The following CTNNA1 variants were observed in gnomAD, a reference collection of about 807,000 sequenced individuals.
The protein encoded by CTNNA1 is catenin alpha 1, also known as catenin alpha-1.
CTNNA1 carries 37 observed loss-of-function variants against 98.4 expected under a neutral mutation model. That is an observed-to-expected ratio of 0.38 (90% CI 0.29 to 0.49). The LOEUF is 0.49. CTNNA1 is among the 20% of genes least tolerant of loss of function. The pLI, the probability that CTNNA1 is intolerant of heterozygous loss-of-function variation, is 0.95. For missense variants in CTNNA1, 761 were observed against 1,147.2 expected (o/e 0.66, Z 4.86); for synonymous variants, 404 against 413.2 (o/e 0.98, Z 0.27).
intron 7 of CTNNA1, among the ~76,000 whole-genome samples, chr5:138,867,364 T>C (rs1320606956): frequency 6.6e-6 from 1 of 152,180 alleles, no homozygotes. Context: ...GGAGAAACAA[T>C]AAGTGCATCT....
At chr5:138,776,197 C>G (rs186212772) in intron 1 of CTNNA1, among the ~76,000 whole-genome samples, 6 of 151,450 alleles carry the variant, frequency 4.0e-5, no homozygotes, top group Admixed American at 2.6e-4. Context: ...TGCGGCCTTC[C>G]GCAGTGTTTG....
At chr5:138,856,983 G>C (rs1207561173) in intron 7 of CTNNA1, among the ~76,000 whole-genome samples, 11 of 152,170 alleles carry the variant, frequency 7.2e-5, no homozygotes, top group Admixed American at 7.2e-4. Context: ...ACATTCTGGT[G>C]AATGAATGAT....
intron 5 of CTNNA1, 128 bp from the exon 6 acceptor site, chr5:138,824,402 G>T (rs1760422254): frequency 1.9e-6 from 2 of 1,038,108 alleles, no homozygotes; most frequent in Admixed American, 5.5e-5. Context: ...CTCTCAACTA[G>T]ATTGTTAATG....
Position 138,827,653 on chromosome 5 carries a change from A to G in CTNNA1, c.997A>G (p.Ile333Val). Reference protein sequence around the residue: ...SCTRDDRRERIVAECNAVRQA... With the variant: ...SCTRDDRRERVVAECNAVRQA... ...CACGCGTGATGACCGTCGTGAGCGAATTGTGGCAGAGTGTAATGCTGTCCG... is the reference window on the plus strand; with the variant it reads ...CACGCGTGATGACCGTCGTGAGCGAGTTGTGGCAGAGTGTAATGCTGTCCG... Residue 333 changes from isoleucine to valine, a missense_variant, in exon 7 of 18, where the codon ATT becomes GTT. Ile to Val is a conservative substitution (Grantham distance 29). Transcript: ENST00000302763. The G allele has an allele frequency of 6.2e-7, 1 of 1,614,204 alleles. No individual in the cohort carries two copies. The highest frequency in any genetic ancestry group is 8.5e-7 in the Non-Finnish European group (1 of 1,180,046).
At chr5:138,896,773 A>G (rs1020225593) in intron 9 of CTNNA1, among the ~76,000 whole-genome samples, 2 of 152,140 alleles carry the variant, frequency 1.3e-5, no homozygotes, top group Non-Finnish European at 2.9e-5. Context: ...TTTCTCCCCT[A>G]TCAAGTTCAT....
chr5:138,874,650 A>C lies in CTNNA1; in HGVS notation c.1063-11562A>C. The C allele has an allele frequency of 1.2e-6, 1 of 832,842 alleles. No homozygotes were observed. Among genetic ancestry groups the C allele is most frequent in the Non-Finnish European group, 1.8e-6 (1 of 546,316 alleles). 51.6% of individuals were successfully genotyped at this position (832,842 alleles called of 1,614,324 possible). The stretch of plus-strand genomic sequence containing the variant: ...AAAAAACAACCACCACCAACATTAT[A>C]GCAAAAGATTTCACTGCATATAACT... On this transcript the variant is annotated intron_variant, in intron 7 of 17. Coordinates refer to ENST00000302763, the MANE Select transcript of CTNNA1 (RefSeq NM_001903.5). This position sits in a 1 kb window ranked among gnomAD's most constrained non-coding sequence, Gnocchi z 4.1.
At chr5:138,775,545 A>G (rs1172771734) in intron 1 of CTNNA1, among the ~76,000 whole-genome samples, 1 of 152,126 alleles carries the variant, frequency 6.6e-6, no homozygotes, top group Non-Finnish European at 1.5e-5. Context: ...TAATGACAGT[A>G]TAATGATGAA....
At chr5:138,837,183 C>G (rs1032317170) in intron 7 of CTNNA1, among the ~76,000 whole-genome samples, 1 of 152,110 alleles carries the variant, frequency 6.6e-6, no homozygotes, top group Non-Finnish European at 1.5e-5. Flanking sequence ...AAGTGAGACT[C>G]AATTATCTCT....
intron 7 of CTNNA1, among the ~76,000 whole-genome samples, chr5:138,886,007 C>T (rs1447217345): frequency 6.6e-6 from 1 of 152,168 alleles, no homozygotes; most frequent in African/African-American, 2.4e-5. Flanking sequence ...TTCCAGTCAT[C>T]AGATAATGTG....
intron 10 of CTNNA1, among the ~76,000 whole-genome samples, chr5:138,911,836 TAG>T (rs1760698210): frequency 6.6e-6 from 1 of 152,170 alleles, no homozygotes; most frequent in Non-Finnish European, 1.5e-5. Context: ...GAGCACTGGT[TAG>T]AGTCTGGATA....
At chr5:138,858,371 C>T (rs1763920705) in intron 7 of CTNNA1, among the ~76,000 whole-genome samples, 2 of 152,026 alleles carry the variant, frequency 1.3e-5, no homozygotes, top group South Asian at 4.2e-4. Flanking sequence ...GAGTGATCCT[C>T]CCACCTTGGC....
In CTNNA1 at chr5:138,873,761, G is replaced by A; in HGVS notation, c.1063-12451G>A. 3 of 1,613,996 alleles carry A rather than the reference G, an allele frequency of 1.9e-6. No individual in the cohort carries two copies. The highest frequency in any genetic ancestry group is 2.2e-5 in the East Asian group (1 of 44,884). ...CGTTTCAAACACTGTCAAGTCGATG[G>A]CTTTGATTTCATTTCCAGTCAGGTC... On this transcript the variant is annotated intron_variant, in intron 7 of 17. Coordinates refer to ENST00000302763, the MANE Select transcript of CTNNA1 (RefSeq NM_001903.5). This position sits in a 1 kb window ranked among gnomAD's most constrained non-coding sequence, Gnocchi z 6.1.
chr5:138,801,240 C>G (rs1757543863), intron 3 of CTNNA1, among the ~76,000 whole-genome samples: 1 of 152,160 alleles, frequency 6.6e-6, no homozygotes. Context: ...TTATATTTCC[C>G]TTGACTGCGA....
At chr5:138,785,166 A>C in intron 3 of CTNNA1, among the ~76,000 whole-genome samples, 1 of 146,536 alleles carries the variant, frequency 6.8e-6, no homozygotes, top group African/African-American at 2.5e-5. Context: ...GGTTCACGCC[A>C]TTCTCCTGCC....
chr5:138,872,013 AGAGAGAGC>A (rs1014222588), intron 7 of CTNNA1: 2 of 146,184 alleles, frequency 1.4e-5, no homozygotes, highest in Non-Finnish European at 3.0e-5. Flanking sequence ...GATAGTTGAG[AGAGAGAGC>A]GCGAGAGTGT....
At chr5:138,908,111 A>G (rs1759693435) in intron 10 of CTNNA1, among the ~76,000 whole-genome samples, 3 of 151,976 alleles carry the variant, frequency 2.0e-5, no homozygotes, top group Non-Finnish European at 4.4e-5. Context: ...CCAAGTAGCC[A>G]GGACTACAGG....
At chr5:138,827,895 C>CT (rs1760874449) in intron 7 of CTNNA1, 177 bp downstream of exon 7, 1 of 670,746 alleles carries the variant, frequency 1.5e-6, no homozygotes, top group Non-Finnish European at 2.5e-6. Flanking sequence ...TCTTTCCTCT[C>CT]TCCAGCTTAT....
rs748670122 is a variant in CTNNA1 at position 138,925,231 on chromosome 5, A to G, written c.1748-25A>G. The G allele has an allele frequency of 6.2e-6, 10 of 1,610,576 alleles. No individual in the cohort carries two copies. The Admixed American group carries it at 1.2e-4, about 19-fold the overall frequency. On this transcript the variant is annotated intron_variant, in intron 12 of 17. Transcript: ENST00000302763. ...AATGATGCTGCCTGCTGACCAGGGT[A>G]TCTACTGTGCCTCTTTCTCCACAGT...
intron 9 of CTNNA1, among the ~76,000 whole-genome samples, chr5:138,888,628 ATC>A (rs1044354861): frequency 9.0e-4 from 137 of 152,242 alleles, no homozygotes; most frequent in Admixed American, 1.4e-3. Context: ...GCTGACTGCA[ATC>A]TCTGCCTCCT....
Sources: gnomAD v4.1 joint callset for allele counts (sites outside exome capture counted in the v4.1 genomes callset) on GRCh38, gnomAD v4.1.1 for gene constraint, Gnocchi (gnomAD v3.1) non-coding constraint, MANE v1.5 for transcripts, NCBI Gene and HGNC (gene_info 2026-07-23, HGNC 2026-07-21) for gene names.